RNF4: variants seen among roughly 807,000 people sequenced by gnomAD.
The protein encoded by RNF4 is E3 ubiquitin-protein ligase RNF4.
In RNF4, 7 loss-of-function variants were observed where a neutral mutation model predicts 24.3. That is an observed-to-expected ratio of 0.29 (90% CI 0.16 to 0.54). RNF4 has a LOEUF of 0.54. Ranked by LOEUF, RNF4 falls within the 20% of genes least tolerant of loss-of-function variation. RNF4 has a pLI of 0.95. For missense variants in RNF4, 209 were observed against 248.5 expected (o/e 0.84, Z 1.07); for synonymous variants, 83 against 84.3 (o/e 0.98, Z 0.09).
Position 2,490,381 on chromosome 4 carries a change from A to T in RNF4, c.-113A>T. On this transcript the variant is annotated 5_prime_UTR_variant, in exon 2 of 8. Transcript: ENST00000314289. ...TCTGTCCGGATCCAAATTATTTTGCAAGCCAGATGAGTAACCAGAGGGCAT... is the reference window on the plus strand; with the variant it reads ...TCTGTCCGGATCCAAATTATTTTGCTAGCCAGATGAGTAACCAGAGGGCAT... 1 of 1,007,766 alleles carries T rather than the reference A, an allele frequency of 9.9e-7. No homozygotes were observed. The allele number at this position is 1,007,766 out of a possible 1,614,324, so 62.4% of individuals were successfully genotyped here.
intron 4 of RNF4, among the ~76,000 whole-genome samples, chr4:2,502,044 CCT>C (rs1223105146): frequency 6.6e-6 from 1 of 152,108 alleles, no homozygotes; most frequent in African/African-American, 2.4e-5. Flanking sequence ...GCTTATCATC[CCT>C]GTGTCCTGCA....
At chr4:2,471,748 C>T (rs1323054636) in intron 1 of RNF4, among the ~76,000 whole-genome samples, 1 of 152,196 alleles carries the variant, frequency 6.6e-6, no homozygotes, top group African/African-American at 2.4e-5. Flanking sequence ...ATCAAACCAT[C>T]CATGACATTC....
intron 4 of RNF4, among the ~76,000 whole-genome samples, chr4:2,502,989 T>TAC: frequency 1.3e-5 from 2 of 152,216 alleles, no homozygotes; most frequent in South Asian, 4.1e-4. Flanking sequence ...TAGCTGAGAC[T>TAC]ACAGGTGCAT....
At chr4:2,496,482 A>G (rs1314756609) in intron 2 of RNF4, among the ~76,000 whole-genome samples, 1 of 151,926 alleles carries the variant, frequency 6.6e-6, no homozygotes, top group East Asian at 1.9e-4. Context: ...TTTTTTTGAG[A>G]TGGAGTCTCA....
chr4:2,483,917 C>G (rs1735317981), intron 1 of RNF4, among the ~76,000 whole-genome samples: 1 of 151,632 alleles, frequency 6.6e-6, no homozygotes, highest in South Asian at 2.1e-4. Context: ...ACCTCCACCT[C>G]TTGGGTTCGA....
chr4:2,504,441 T>G lies in RNF4; in HGVS notation c.204+3703T>G, dbSNP rs114572047. On this transcript the variant is annotated intron_variant, in intron 4 of 7. Coordinates refer to ENST00000314289, the MANE Select transcript of RNF4 (RefSeq NM_002938.5). ...ATTGTGGTTTTAATTTGTGCTTTTT[T>G]ATTACAAATGGGATCAAACACCTTT... 8.8e-3 allele frequency among the ~76,000 whole-genome samples: 1,344 copies of G among 152,296 alleles called. 23 individuals carry two copies. Among genetic ancestry groups the G allele is most frequent in the African/African-American group, 0.03 (1,237 of 41,576 alleles).
rs1560415336 is a variant in RNF4 at position 2,512,495 on chromosome 4, G to A, written c.272G>A (p.Cys91Tyr). The A allele has an allele frequency of 1.9e-6, 3 of 1,613,818 alleles. No homozygotes were observed. Among genetic ancestry groups the A allele is most frequent in the Non-Finnish European group, 1.7e-6 (2 of 1,179,790 alleles). ...CTGCCCCAGGACCATGCTGACAGCT[G>A]TGTGGTGAGCAGTGACGATGAGGAG... is the stretch of plus-strand genomic sequence containing the variant. The part of the protein sequence containing the change: ...RRLPQDHADS[C>Y]VVSSDDEELS... The change falls in exon 6 of 8, where the codon TGT (cysteine) becomes TAT (tyrosine). Residue 91 changes from cysteine to tyrosine, a missense_variant. Cys to Tyr is a radical substitution (Grantham distance 194). Coordinates refer to ENST00000314289, the MANE Select transcript of RNF4 (RefSeq NM_002938.5). This position sits in a 1 kb window ranked among gnomAD's most constrained non-coding sequence, Gnocchi z 4.1.
intron 2 of RNF4, 134 bp downstream of exon 2, chr4:2,490,636 G>A: frequency 1.1e-6 from 1 of 872,506 alleles, no homozygotes; most frequent in Non-Finnish European, 1.7e-6. Context: ...AGTATGTATA[G>A]GAGCTTTCTG....
intron 4 of RNF4, among the ~76,000 whole-genome samples, chr4:2,508,248 T>A (rs1736160411): frequency 1.3e-5 from 2 of 152,226 alleles, no homozygotes; most frequent in Non-Finnish European, 2.9e-5. Context: ...GTTTTGGTTT[T>A]TCACTTATCT....
chr4:2,479,545 G>A (rs919073385), intron 1 of RNF4, among the ~76,000 whole-genome samples: 1 of 152,110 alleles, frequency 6.6e-6, no homozygotes, highest in Admixed American at 6.6e-5. Flanking sequence ...TTTATAAGGG[G>A]GAGTTTCCGT....
chr4:2,512,126 C>A lies in RNF4; in HGVS notation c.214+161C>A. 1 of 667,284 alleles carries A rather than the reference C, an allele frequency of 1.5e-6. No homozygotes were observed. The allele number at this position is 667,284 out of a possible 1,614,324, so 41.3% of individuals were successfully genotyped here. On this transcript the variant is annotated intron_variant, in intron 5 of 7. Coordinates refer to ENST00000314289, the MANE Select transcript of RNF4 (RefSeq NM_002938.5). The surrounding 1 kb of genome is among the most constrained non-coding windows in gnomAD (Gnocchi z 4.1). The stretch of plus-strand genomic sequence containing the variant: ...CTGTGGTCAGACCCACACAGCCAGT[C>A]CCCCTTGTGCCTGCTGAAGAAACTT...
chr4:2,474,035 C>T (rs1052117045), intron 1 of RNF4, among the ~76,000 whole-genome samples: 4 of 151,754 alleles, frequency 2.6e-5, no homozygotes, highest in Admixed American at 6.6e-5. Flanking sequence ...GAGCCAAGAT[C>T]GGGCCACTGC....
At chr4:2,490,807 T>TAA (rs1353260463) in intron 2 of RNF4, 2 of 264,898 alleles carry the variant, frequency 7.6e-6, no homozygotes, top group Non-Finnish European at 1.5e-5. Context: ...TTTTGCTTTT[T>TAA]AAAATTGTTT....
chr4:2,489,483 G>T (rs1215976124), intron 1 of RNF4, among the ~76,000 whole-genome samples: 1 of 152,186 alleles, frequency 6.6e-6, no homozygotes, highest in Admixed American at 6.5e-5. Context: ...GTCTCTGGAA[G>T]CAGCACCTGG....
chr4:2,513,741 T>C lies in RNF4; in HGVS notation c.495T>C (p.Asp165=). 1 of 1,613,936 alleles carries C rather than the reference T, an allele frequency of 6.2e-7. No homozygotes were observed. Residue 165 remains aspartate (D), a synonymous_variant, in exon 8 of 8, where the codon GAT becomes GAC. Coordinates refer to ENST00000314289, the MANE Select transcript of RNF4 (RefSeq NM_002938.5). ...GHVFCSQCLR[D]SLKNANTCPT... Reference sequence around the variant, plus strand: ...TCTTCTGTAGCCAGTGCCTCCGTGATTCCCTGAAGAATGCTAATACTTGCC... The same window carrying C: ...TCTTCTGTAGCCAGTGCCTCCGTGACTCCCTGAAGAATGCTAATACTTGCC...
chr4:2,510,284 G>A (rs569757737), intron 4 of RNF4, among the ~76,000 whole-genome samples: 1 of 152,310 alleles, frequency 6.6e-6, no homozygotes, highest in East Asian at 1.9e-4. Context: ...GCCTAAATCA[G>A]CAGTGTCTGG....
chr4:2,496,391 A>G (rs1395347416), intron 2 of RNF4, among the ~76,000 whole-genome samples: 10 of 152,208 alleles, frequency 6.6e-5, no homozygotes, highest in Non-Finnish European at 1.5e-5. Flanking sequence ...TGGCCAGGGC[A>G]TCCACTACCA....
At chr4:2,503,049 A>G (rs1578520152) in intron 4 of RNF4, among the ~76,000 whole-genome samples, 1 of 151,798 alleles carries the variant, frequency 6.6e-6, no homozygotes, top group Non-Finnish European at 1.5e-5. Flanking sequence ...TGATTTTTTA[A>G]TATTTTTGTA....
chr4:2,500,766 G>A, intron 4 of RNF4, 28 bp downstream of exon 4: 1 of 1,609,216 alleles, frequency 6.2e-7, no homozygotes. Flanking sequence ...AGAGTCGGCT[G>A]TTTCTTGGGT....
Sources: allele counts gnomAD v4.1 joint callset (sites outside exome capture counted in the v4.1 genomes callset), GRCh38; gene constraint gnomAD v4.1.1; non-coding constraint Gnocchi (gnomAD v3.1); transcripts MANE v1.5; gene names NCBI Gene and HGNC (gene_info 2026-07-23, HGNC 2026-07-21).